Variants in NLGN1 observed in about 807,000 individuals in gnomAD.
NLGN1 encodes the protein neuroligin 1, also known as neuroligin-1.
In NLGN1, 12 loss-of-function variants were observed where a neutral mutation model predicts 65.5. The ratio of observed to expected loss-of-function variants is 0.18; its 90% CI spans 0.12 to 0.30. The LOEUF is 0.30. Ranked by LOEUF, NLGN1 falls within the 10% of genes least tolerant of loss-of-function variation. NLGN1 has a pLI of 1.00. For missense variants in NLGN1, 750 were observed against 1,007.1 expected, an observed-to-expected ratio of 0.74 and a Z score of 3.46; for synonymous variants, 350 against 359.5, an observed-to-expected ratio of 0.97 and a Z score of 0.30.
At chr3:173,883,314 G>T (rs981605491) in intron 4 of NLGN1, among the ~76,000 whole-genome samples, 3 of 152,198 alleles carry the variant, frequency 2.0e-5, no homozygotes, top group Non-Finnish European at 2.9e-5. Context: ...TGGCCAGTCG[G>T]TGGAACAGTC....
intron 4 of NLGN1, among the ~76,000 whole-genome samples, chr3:173,949,709 T>C (rs1747842048): frequency 6.6e-6 from 1 of 152,150 alleles, no homozygotes; most frequent in African/African-American, 2.4e-5. Context: ...AACATGACAC[T>C]GTCGTAATTC....
intron 4 of NLGN1, among the ~76,000 whole-genome samples, chr3:173,930,824 C>T (rs1290751305): frequency 6.6e-6 from 1 of 152,010 alleles, no homozygotes; most frequent in South Asian, 2.1e-4. Flanking sequence ...AATACAGTCT[C>T]CAGGAGATAG....
intron 4 of NLGN1, among the ~76,000 whole-genome samples, chr3:174,056,446 T>C (rs1736098446): frequency 6.6e-6 from 1 of 152,020 alleles, no homozygotes; most frequent in Non-Finnish European, 1.5e-5. Flanking sequence ...TCTCATGTCA[T>C]TGTAACAAAC....
chr3:173,680,599 AG>A (rs1395272093), intron 3 of NLGN1, among the ~76,000 whole-genome samples: 2 of 152,218 alleles, frequency 1.3e-5, no homozygotes, highest in African/African-American at 4.8e-5. Context: ...GGTGTCAAGT[AG>A]CAAGATGGAA....
At chr3:173,779,480 C>T (rs1212144209) in intron 3 of NLGN1, among the ~76,000 whole-genome samples, 1 of 37,908 alleles carries the variant, frequency 2.6e-5, no homozygotes, top group East Asian at 2.4e-4. Context: ...ATGGTTTTTA[C>T]TCTCCCTTAT....
At chr3:173,880,699 G>A (rs1169822501) in intron 4 of NLGN1, among the ~76,000 whole-genome samples, 1 of 151,950 alleles carries the variant, frequency 6.6e-6, no homozygotes, top group African/African-American at 2.4e-5. Context: ...AGTGTTTATG[G>A]CTGCTGACTG....
intron 4 of NLGN1, among the ~76,000 whole-genome samples, chr3:174,137,313 C>T (rs974096497): frequency 6.6e-6 from 1 of 152,038 alleles, no homozygotes; most frequent in Non-Finnish European, 1.5e-5. Context: ...ATTTCAACCC[C>T]TGCGTGGTTT....
At chr3:174,129,249 C>G (rs1719622158) in intron 4 of NLGN1, among the ~76,000 whole-genome samples, 1 of 151,822 alleles carries the variant, frequency 6.6e-6, no homozygotes, top group South Asian at 2.1e-4. Flanking sequence ...TTTTTTGGCT[C>G]ATAATTTAAA....
intron 3 of NLGN1, among the ~76,000 whole-genome samples, chr3:173,783,956 T>C (rs1781571845): frequency 6.6e-6 from 1 of 152,204 alleles, no homozygotes; most frequent in Admixed American, 6.5e-5. Flanking sequence ...TTCTTAAAGG[T>C]AGAAACTTTG....
intron 2 of NLGN1, among the ~76,000 whole-genome samples, chr3:173,535,632 A>G (rs1737310179): frequency 6.6e-6 from 1 of 152,190 alleles, no homozygotes; most frequent in East Asian, 1.9e-4. Context: ...AGAGGATCAA[A>G]CTAGTATAAA....
At chr3:173,527,661 T>G (rs1735884602) in intron 2 of NLGN1, among the ~76,000 whole-genome samples, 1 of 152,238 alleles carries the variant, frequency 6.6e-6, no homozygotes, top group African/African-American at 2.4e-5. Context: ...CCTCCCAAAG[T>G]GCTGGGATTA....
intron 4 of NLGN1, among the ~76,000 whole-genome samples, chr3:173,906,510 G>C (rs1738420360): frequency 6.6e-6 from 1 of 152,108 alleles, no homozygotes; most frequent in Non-Finnish European, 1.5e-5. Flanking sequence ...GTAGCACTGT[G>C]CTGCCGTCTA....
intron 4 of NLGN1, among the ~76,000 whole-genome samples, chr3:174,019,523 C>T (rs947955513): frequency 6.6e-5 from 10 of 152,072 alleles, no homozygotes; most frequent in Admixed American, 1.3e-4. Flanking sequence ...CAGTGCTGTT[C>T]TGTTATAGCA....
chr3:173,850,603 C>T (rs1726728851), intron 4 of NLGN1, among the ~76,000 whole-genome samples: 1 of 152,122 alleles, frequency 6.6e-6, no homozygotes, highest in African/African-American at 2.4e-5. Flanking sequence ...TTACCTCTAT[C>T]CTTTTCGTTG....
At chr3:173,923,727 G>A (rs966476760) in intron 4 of NLGN1, among the ~76,000 whole-genome samples, 17 of 152,082 alleles carry the variant, frequency 1.1e-4, no homozygotes, top group Non-Finnish European at 2.1e-4. Flanking sequence ...AAATATTGGT[G>A]ATTGTATTTA....
intron 4 of NLGN1, among the ~76,000 whole-genome samples, chr3:174,053,587 A>T (rs888759053): frequency 1.3e-5 from 2 of 151,986 alleles, no homozygotes; most frequent in African/African-American, 4.8e-5. Context: ...AGCAGTAAGT[A>T]ATGGGTAAAA....
chr3:174,132,227 C>T (rs1170527765), intron 4 of NLGN1, among the ~76,000 whole-genome samples: 1 of 152,144 alleles, frequency 6.6e-6, no homozygotes, highest in Non-Finnish European at 1.5e-5. Context: ...ACTCCACATG[C>T]TTCTGATTAC....
At chr3:174,131,723 C>T (rs1177157434) in intron 4 of NLGN1, among the ~76,000 whole-genome samples, 1 of 152,086 alleles carries the variant, frequency 6.6e-6, no homozygotes, top group Non-Finnish European at 1.5e-5. Flanking sequence ...GCTACATGAG[C>T]TATTCAAATA....
intron 4 of NLGN1, among the ~76,000 whole-genome samples, chr3:174,162,589 A>G (rs1726754591): frequency 6.6e-6 from 1 of 151,918 alleles, no homozygotes; most frequent in Non-Finnish European, 1.5e-5. Context: ...TCAAGATTTT[A>G]TATTCATTAT....
Sources: gnomAD v4.1 joint callset for allele counts (sites outside exome capture counted in the v4.1 genomes callset) on GRCh38, gnomAD v4.1.1 for gene constraint, MANE v1.5 for transcripts, NCBI Gene and HGNC (gene_info 2026-07-23, HGNC 2026-07-21) for gene names.